The following MAN2A1 variants were observed in gnomAD, a reference collection of about 807,000 sequenced individuals.
MAN2A1 encodes the protein mannosidase alpha class 2A member 1.
Under a neutral mutation model 142.6 loss-of-function variants are expected in MAN2A1, and 76 were observed. The observed-to-expected ratio is 0.53, with a 90% confidence interval of 0.44 to 0.65. MAN2A1 has a LOEUF of 0.65. Among genes scored for constraint, MAN2A1 ranks in the 30% least tolerant of loss-of-function variants. MAN2A1 has a pLI of 0.00. For synonymous variants in MAN2A1, 559 were observed against 473.2 expected, an observed-to-expected ratio of 1.18 and a Z score of -2.35; for missense variants, 1,311 against 1,365.1, an observed-to-expected ratio of 0.96 and a Z score of 0.62.
intron 3 of MAN2A1, among the ~76,000 whole-genome samples, chr5:109,724,624 G>C (rs998998070): frequency 2.0e-5 from 3 of 151,982 alleles, no homozygotes; most frequent in Non-Finnish European, 4.4e-5. Flanking sequence ...TTTTCCTGAA[G>C]ATTGGTGCTT....
At chr5:109,773,969 C>T (rs541881190) in intron 7 of MAN2A1, among the ~76,000 whole-genome samples, 1 of 152,178 alleles carries the variant, frequency 6.6e-6, no homozygotes, top group Non-Finnish European at 1.5e-5. Context: ...TTTCACAAGC[C>T]CTTTGTCTTA....
chr5:109,772,916 G>C lies in MAN2A1; in HGVS notation c.1197-1872G>C, dbSNP rs193192447. Among the ~76,000 whole-genome samples, 98 of 152,250 alleles carry C rather than the reference G, an allele frequency of 6.4e-4. 1 individual carries two copies. Among genetic ancestry groups the C allele is most frequent in the South Asian group, 3.3e-3 (16 of 4,818 alleles). On this transcript the variant is annotated intron_variant, in intron 7 of 21. Transcript: ENST00000261483. ...CAGGTTCTTCTACTTTGCAAGTAAA[G>C]AAATATCATTCTTTGTCAAGTTCAT...
chr5:109,716,272 T>G lies in MAN2A1; in HGVS notation c.535+8T>G, dbSNP rs201241756. ...ATTCCCATAACGACCCAGGTAAAAT[T>G]TGCACTTCAAAAAGACAGGAGGTTA... On this transcript the variant is annotated splice_region_variant and intron_variant, in intron 3 of 21. Transcript: ENST00000261483. 5.0e-6 allele frequency: 8 copies of G among 1,596,478 alleles called. No individual in the cohort carries two copies. Among genetic ancestry groups the G allele is most frequent in the Non-Finnish European group, 6.8e-6 (8 of 1,171,962 alleles).
chr5:109,708,385 A>T (rs1751198283), intron 1 of MAN2A1, among the ~76,000 whole-genome samples: 1 of 151,968 alleles, frequency 6.6e-6, no homozygotes, highest in South Asian at 2.1e-4. Flanking sequence ...GTTTGTAAGG[A>T]AGGGGGATAA....
chr5:109,690,589 G>T, intron 1 of MAN2A1, 37 bp downstream of exon 1: 1 of 1,554,438 alleles, frequency 6.4e-7, no homozygotes, highest in East Asian at 2.4e-5. Flanking sequence ...GCTCCGAGGG[G>T]CCAGGCGTGC....
intron 4 of MAN2A1, among the ~76,000 whole-genome samples, chr5:109,735,129 G>T (rs1169392838): frequency 1.3e-5 from 2 of 152,002 alleles, no homozygotes; most frequent in Admixed American, 1.3e-4. Context: ...TTAAGTAATG[G>T]CCTTCTTTGT....
chr5:109,715,321 G>A (rs1433903613), intron 2 of MAN2A1, among the ~76,000 whole-genome samples: 1 of 115,950 alleles, frequency 8.6e-6, no homozygotes, highest in South Asian at 4.0e-4. Context: ...ATATTTGGAT[G>A]TGATTTTTGC....
chr5:109,715,510 A>G (rs548689650), intron 2 of MAN2A1, among the ~76,000 whole-genome samples: 1 of 152,204 alleles, frequency 6.6e-6, no homozygotes, highest in East Asian at 1.9e-4. Flanking sequence ...CTAGAAAACA[A>G]TAGGATACAT....
intron 1 of MAN2A1, among the ~76,000 whole-genome samples, chr5:109,695,959 A>G (rs573763549): frequency 1.3e-4 from 20 of 152,332 alleles, no homozygotes; most frequent in Admixed American, 6.5e-4. Flanking sequence ...GAGTATAGCT[A>G]AATGTGCCTA....
rs1750798285 is a variant in MAN2A1, at chr5:109,695,911, AAT to A, written c.135+5360_135+5361del. Reference sequence around the variant, plus strand: ...TTAAATTCAGACAGGTTTGAGGATTAATTGTACTGAAATGGAGCTCACATCTA... The same window carrying A: ...TTAAATTCAGACAGGTTTGAGGATTATGTACTGAAATGGAGCTCACATCTA... On this transcript the variant is annotated intron_variant, in intron 1 of 21. Transcript: ENST00000261483. 3.9e-5 allele frequency among the ~76,000 whole-genome samples: 6 copies of A among 152,196 alleles called. No homozygotes were observed. In the South Asian group the frequency reaches 1.0e-3, roughly 26 times the overall value.
At position 109,820,960 on chromosome 5, in the gene MAN2A1, G is replaced by A. The variant is rs75531880; in HGVS notation, c.2451+618G>A. Among the ~76,000 whole-genome samples, 272 of 152,218 alleles carry A rather than the reference G, an allele frequency of 1.8e-3. 1 individual carries two copies. The highest frequency in any genetic ancestry group is 5.8e-3 in the African/African-American group (239 of 41,546). Reference sequence around the variant, plus strand: ...ACAGACACAAAACCTCTAGCCGTATGGGAAAAATAGATTTTCCACTGGACC... The same window carrying A: ...ACAGACACAAAACCTCTAGCCGTATAGGAAAAATAGATTTTCCACTGGACC... On this transcript the variant is annotated intron_variant, in intron 15 of 21. Transcript: ENST00000261483.
chr5:109,700,281 G>GT (rs5870385), intron 1 of MAN2A1, among the ~76,000 whole-genome samples: 68 of 131,422 alleles, frequency 5.2e-4, no homozygotes, highest in South Asian at 7.2e-4. Context: ...AGTTTTGCCG[G>GT]TTTTTTTTTT....
At chr5:109,838,576 C>T (rs1170113120) in intron 16 of MAN2A1, among the ~76,000 whole-genome samples, 1 of 152,146 alleles carries the variant, frequency 6.6e-6, no homozygotes, top group Non-Finnish European at 1.5e-5. Flanking sequence ...ATTACTGACA[C>T]AGAATAGGAA....
intron 17 of MAN2A1, among the ~76,000 whole-genome samples, chr5:109,845,637 A>T (rs1561540775): frequency 6.6e-6 from 1 of 152,192 alleles, no homozygotes; most frequent in African/African-American, 2.4e-5. Context: ...CCTATTTTAA[A>T]AATCTGGACA....
chr5:109,808,749 G>A (rs921278408), intron 12 of MAN2A1, among the ~76,000 whole-genome samples: 1 of 147,302 alleles, frequency 6.8e-6, no homozygotes, highest in Non-Finnish European at 1.5e-5. Context: ...TGTCACCCAG[G>A]CTGGAGTGCA....
intron 1 of MAN2A1, chr5:109,699,350 A>G (rs565376706): frequency 6.6e-6 from 1 of 152,340 alleles, no homozygotes; most frequent in East Asian, 1.9e-4. Flanking sequence ...GAAAACCAGT[A>G]AACAAGGATA....
At chr5:109,698,092 T>C (rs972541914) in intron 1 of MAN2A1, among the ~76,000 whole-genome samples, 1 of 152,248 alleles carries the variant, frequency 6.6e-6, no homozygotes, top group Non-Finnish European at 1.5e-5. Context: ...ACCATGACTT[T>C]ATGACTTTTT....
At chr5:109,812,325 T>A (rs1362371393) in intron 12 of MAN2A1, among the ~76,000 whole-genome samples, 1 of 152,134 alleles carries the variant, frequency 6.6e-6, no homozygotes, top group Admixed American at 6.5e-5. Flanking sequence ...ACAATTGTGA[T>A]TTTTGAAGAT....
At chr5:109,831,961 T>C (rs975509562) in intron 16 of MAN2A1, among the ~76,000 whole-genome samples, 2 of 151,818 alleles carry the variant, frequency 1.3e-5, no homozygotes, top group Admixed American at 1.3e-4. Context: ...ATTTTAATAA[T>C]TTTATTTTAT....
Sources: gnomAD v4.1 joint callset for allele counts (sites outside exome capture counted in the v4.1 genomes callset) on GRCh38, gnomAD v4.1.1 for gene constraint, MANE v1.5 for transcripts, NCBI Gene and HGNC (gene_info 2026-07-23, HGNC 2026-07-21) for gene names.